The following STAU2 variants were observed in gnomAD, a reference collection of about 807,000 sequenced individuals.
STAU2 encodes the protein staufen double-stranded RNA binding protein 2.
STAU2 carries 20 observed loss-of-function variants against 65.9 expected under a neutral mutation model. The ratio of observed to expected loss-of-function variants is 0.30; its 90% CI spans 0.21 to 0.44. The LOEUF is 0.44. Ranked by LOEUF, STAU2 falls within the 20% of genes least tolerant of loss-of-function variation. STAU2 has a pLI of 1.00. For missense variants in STAU2, 558 were observed against 683.9 expected (o/e 0.82, Z 2.05); for synonymous variants, 232 against 233.9 (o/e 0.99, Z 0.07).
At chr8:73,712,726 G>A (rs537748466) in intron 3 of STAU2, among the ~76,000 whole-genome samples, 58 of 152,236 alleles carry the variant, frequency 3.8e-4, no homozygotes, top group South Asian at 2.1e-3. Flanking sequence ...AGGCAGAGGC[G>A]GGAGGATCGC....
chr8:73,702,324 T>G (rs1044185903), intron 4 of STAU2, among the ~76,000 whole-genome samples: 14 of 152,166 alleles, frequency 9.2e-5, no homozygotes, highest in Admixed American at 8.5e-4. Context: ...ATTGCGTGTC[T>G]AATCTATGTG....
Position 73,453,515 on chromosome 8 carries a change from A to AC in STAU2, c.1531-30814dup, listed in dbSNP as rs1347050035. Among the ~76,000 whole-genome samples the AC allele has an allele frequency of 2.6e-5, 4 of 152,322 alleles. No homozygotes were observed. In the East Asian group the frequency reaches 7.7e-4, roughly 29 times the overall value. ...CTGAATGTGCAAATAGATTCAGCAA[A>AC]CACACTCTAGATTCTAAGAGCTGTC... On this transcript the variant is annotated intron_variant, in intron 13 of 14. Transcript: ENST00000524300.
Position 73,658,680 on chromosome 8 carries a change from C to T in STAU2, c.410+14427G>A, listed in dbSNP as rs190738240. On this transcript the variant is annotated intron_variant, in intron 6 of 14. Coordinates refer to ENST00000524300, the MANE Select transcript of STAU2 (RefSeq NM_001164380.2). ...CTGTAATCCCAGCACTTTGGGAGCC[C>T]GAGGCGGGTGAATCACGAGGTCAGG... is the stretch of plus-strand genomic sequence containing the variant. 4.2e-3 allele frequency among the ~76,000 whole-genome samples: 632 copies of T among 151,402 alleles called. 7 individuals are homozygous for T. Among genetic ancestry groups the T allele is most frequent in the African/African-American group, 0.015 (599 of 41,250 alleles).
chr8:73,742,100 C>G (rs1441224222), intron 1 of STAU2: 1 of 518,800 alleles, frequency 1.9e-6, no homozygotes, highest in East Asian at 1.5e-4. Flanking sequence ...AGAATGTTCA[C>G]AGTGGCACGT....
intron 6 of STAU2, among the ~76,000 whole-genome samples, chr8:73,669,965 G>C: frequency 6.6e-6 from 1 of 151,974 alleles, no homozygotes; most frequent in Non-Finnish European, 1.5e-5. Flanking sequence ...CAAATATAAA[G>C]ATGTAATACT....
At chr8:73,432,198 A>T (rs1817349783) in intron 13 of STAU2, among the ~76,000 whole-genome samples, 1 of 152,194 alleles carries the variant, frequency 6.6e-6, no homozygotes, top group African/African-American at 2.4e-5. Context: ...CTCCCTGAAA[A>T]GCTTGTTCAT....
chr8:73,556,345 ATATTT>A (rs1419507818), intron 12 of STAU2, among the ~76,000 whole-genome samples: 1 of 152,190 alleles, frequency 6.6e-6, no homozygotes, highest in African/African-American at 2.4e-5. Flanking sequence ...AGTTGAAAGG[ATATTT>A]TAGAGTTTTT....
At chr8:73,740,221 A>G (rs749830743) in intron 1 of STAU2, among the ~76,000 whole-genome samples, 76 of 152,328 alleles carry the variant, frequency 5.0e-4, no homozygotes, top group Middle Eastern at 6.8e-3. Flanking sequence ...GCTAAGCTGC[A>G]CCCAGATTTC....
chr8:73,550,543 T>C (rs994548133), intron 13 of STAU2: 11 of 983,624 alleles, frequency 1.1e-5, no homozygotes, highest in Non-Finnish European at 1.3e-5. Flanking sequence ...AAATAAGCAG[T>C]TAATTTCTTT....
intron 6 of STAU2, among the ~76,000 whole-genome samples, chr8:73,644,152 A>G (rs1815187873): frequency 6.6e-6 from 1 of 152,244 alleles, no homozygotes; most frequent in Non-Finnish European, 1.5e-5. Flanking sequence ...AAAAATCTCC[A>G]AACACTTGGA....
chr8:73,634,075 GAGA>G (rs1022182928), intron 6 of STAU2, among the ~76,000 whole-genome samples: 6 of 152,242 alleles, frequency 3.9e-5, no homozygotes, highest in East Asian at 3.9e-4. Flanking sequence ...TTATGCATAT[GAGA>G]AGATGTTTGA....
chr8:73,520,363 T>C (rs118170570), intron 13 of STAU2, among the ~76,000 whole-genome samples: 3,061 of 152,352 alleles, frequency 0.02, 27 homozygotes, highest in Non-Finnish European at 0.026. Flanking sequence ...GTTGATTATA[T>C]GTTGAGATGA....
chr8:73,483,111 G>A (rs534728266), intron 13 of STAU2, among the ~76,000 whole-genome samples: 13 of 152,102 alleles, frequency 8.5e-5, no homozygotes, highest in Non-Finnish European at 1.3e-4. Flanking sequence ...GGAGTTGCTG[G>A]ACTTTTTCCT....
intron 12 of STAU2, among the ~76,000 whole-genome samples, chr8:73,562,000 C>T (rs1291980973): frequency 6.6e-6 from 1 of 152,176 alleles, no homozygotes; most frequent in Non-Finnish European, 1.5e-5. Flanking sequence ...AACTACCTTT[C>T]AGTAGTAAAA....
intron 12 of STAU2, among the ~76,000 whole-genome samples, chr8:73,560,792 AG>A (rs1305629492): frequency 6.6e-6 from 1 of 152,214 alleles, no homozygotes; most frequent in Non-Finnish European, 1.5e-5. Context: ...ACAGCAATAA[AG>A]GTTTTTCAAA....
chr8:73,462,104 A>G (rs1204311474), intron 13 of STAU2, among the ~76,000 whole-genome samples: 3 of 151,820 alleles, frequency 2.0e-5, no homozygotes. Context: ...TTTGAGGCAG[A>G]GTTTTGCTTT....
chr8:73,484,641 C>T (rs1820818415), intron 13 of STAU2, among the ~76,000 whole-genome samples: 1 of 151,998 alleles, frequency 6.6e-6, no homozygotes, highest in South Asian at 2.1e-4. Context: ...TGGATATCAG[C>T]CTTGCTTACC....
chr8:73,615,824 T>G, intron 7 of STAU2, 42 bp from the exon 8 acceptor site: 1 of 1,446,642 alleles, frequency 6.9e-7, no homozygotes. Context: ...CTTGACATTA[T>G]AACAAACTTT....
rs191529742 is a variant in STAU2, at chr8:73,490,720, G to T, written c.1530+61292C>A. On this transcript the variant is annotated intron_variant, in intron 13 of 14. Coordinates refer to ENST00000524300, the MANE Select transcript of STAU2 (RefSeq NM_001164380.2). ...GCTGGTCCTCAGTTCCTTACCTCAA[G>T]AATTCTACATTACTTTATCCTGTTA... 2.6e-5 allele frequency among the ~76,000 whole-genome samples: 4 copies of T among 152,058 alleles called. No individual in the cohort carries two copies. The East Asian group carries it at 7.8e-4, about 29-fold the overall frequency.
Sources: gnomAD v4.1 joint callset for allele counts (sites outside exome capture counted in the v4.1 genomes callset) on GRCh38, gnomAD v4.1.1 for gene constraint, MANE v1.5 for transcripts, NCBI Gene and HGNC (gene_info 2026-07-23, HGNC 2026-07-21) for gene names.